The following TNRC6C variants were observed in gnomAD, a reference collection of about 807,000 sequenced individuals.
The protein encoded by TNRC6C is trinucleotide repeat-containing gene 6C protein.
A neutral mutation model predicts 153.7 loss-of-function variants in TNRC6C; 20 were observed. That is an observed-to-expected ratio of 0.13 (90% CI 0.09 to 0.19). The LOEUF (loss-of-function observed/expected upper bound fraction) is 0.19. Ranked by LOEUF, TNRC6C falls within the 10% of genes least tolerant of loss-of-function variation. The pLI is 1.00. For missense variants in TNRC6C, 1,987 were observed against 2,172.0 expected, an observed-to-expected ratio of 0.91 and a Z score of 1.69; for synonymous variants, 811 against 841.4, an observed-to-expected ratio of 0.96 and a Z score of 0.63.
At chr17:78,100,627 G>A (rs1244054749) in intron 17 of TNRC6C, among the ~76,000 whole-genome samples, 1 of 152,168 alleles carries the variant, frequency 6.6e-6, no homozygotes, top group East Asian at 1.9e-4. Flanking sequence ...GCCTGTGATG[G>A]GAGGGGCTTC....
chr17:78,016,664 C>T (rs2071734218), intron 1 of TNRC6C, among the ~76,000 whole-genome samples: 1 of 152,108 alleles, frequency 6.6e-6, no homozygotes. Flanking sequence ...GCAGTCTCTG[C>T]CTGCCTTCCC....
At position 78,075,218 on chromosome 17, in the gene TNRC6C, C is replaced by A; in HGVS notation, c.3000C>A (p.Leu1000=). The change falls in exon 8 of 20, where the codon CTC becomes CTA. Residue 1000 remains leucine (L), a synonymous_variant. Transcript: ENST00000301624. This position sits in a 1 kb window ranked among gnomAD's most constrained non-coding sequence, Gnocchi z 4.2. ...ATAATGGAATGGCCGCCAAGCCCCT[C>A]GGCTGCCGCCCGCCAATCTCCAAAG... 6.3e-7 allele frequency: 1 copy of A among 1,595,782 alleles called. No individual in the cohort carries two copies.
chr17:78,045,409 A>T (rs1296166462), intron 2 of TNRC6C, among the ~76,000 whole-genome samples: 1 of 152,140 alleles, frequency 6.6e-6, no homozygotes, highest in Admixed American at 6.5e-5. Context: ...GCTTCCTGCC[A>T]GTATTGCCCC....
At chr17:78,035,160 TTTGA>T (rs1223440755) in intron 2 of TNRC6C, among the ~76,000 whole-genome samples, 2 of 152,168 alleles carry the variant, frequency 1.3e-5, no homozygotes, top group African/African-American at 4.8e-5. Context: ...AATGACTTTG[TTTGA>T]TTTTGTCAGT....
intron 10 of TNRC6C, among the ~76,000 whole-genome samples, chr17:78,081,300 A>G (rs1598768977): frequency 6.6e-6 from 1 of 151,694 alleles, no homozygotes; most frequent in Admixed American, 6.6e-5. Context: ...TTCAGACCAT[A>G]GCATATGGGA....
chr17:78,019,015 G>A (rs2071783151), intron 1 of TNRC6C, among the ~76,000 whole-genome samples: 1 of 152,174 alleles, frequency 6.6e-6, no homozygotes, highest in African/African-American at 2.4e-5. Flanking sequence ...ACTACATGTG[G>A]CAGTGTCAGG....
chr17:77,961,424 G>A (rs2070861737), intron 1 of TNRC6C, among the ~76,000 whole-genome samples: 1 of 152,188 alleles, frequency 6.6e-6, no homozygotes. Context: ...CCAAAGTGCT[G>A]GGATTACAGG....
chr17:78,037,032 G>A (rs2072193325), intron 2 of TNRC6C, among the ~76,000 whole-genome samples: 1 of 151,572 alleles, frequency 6.6e-6, no homozygotes, highest in African/African-American at 2.4e-5. Flanking sequence ...GATGTAAATA[G>A]TAGATTAATC....
exon 3 of TNRC6C, chr17:78,050,298 G>A: frequency 6.4e-7 from 1 of 1,560,642 alleles, no homozygotes; most frequent in Non-Finnish European, 8.7e-7. Flanking sequence ...GAAGCACTGG[G>A]AGGGAAGGAA....
intron 5 of TNRC6C, among the ~76,000 whole-genome samples, chr17:78,069,653 G>A (rs1295788797): frequency 2.0e-5 from 3 of 152,132 alleles, no homozygotes; most frequent in African/African-American, 4.8e-5. Flanking sequence ...AATAATTTAT[G>A]TGTACATTGA....
chr17:78,023,371 T>A (rs1167532801), intron 1 of TNRC6C, among the ~76,000 whole-genome samples: 1 of 152,222 alleles, frequency 6.6e-6, no homozygotes, highest in East Asian at 1.9e-4. Context: ...AAAATTTCTG[T>A]AGCTTGCTAA....
At chr17:78,010,657 T>G (rs575730786) in intron 1 of TNRC6C, among the ~76,000 whole-genome samples, 42 of 152,362 alleles carry the variant, frequency 2.8e-4, no homozygotes, top group South Asian at 4.1e-4. Context: ...AAATTGATTG[T>G]ATGAGGTATC....
At chr17:78,072,350 A>G (rs2073014001) in intron 6 of TNRC6C, among the ~76,000 whole-genome samples, 1 of 152,198 alleles carries the variant, frequency 6.6e-6, no homozygotes, top group African/African-American at 2.4e-5. Flanking sequence ...TCTGTTTCTT[A>G]GAGAAAAGTT....
At position 78,045,182 on chromosome 17, in the gene TNRC6C, G is replaced by A. The variant is rs143398910; in HGVS notation, c.-218-3663G>A. On this transcript the variant is annotated intron_variant, in intron 2 of 19. Transcript: ENST00000301624. ...TAGGGGGCATGGGAAGAGACCTGTT[G>A]GAAAGTTATTTACAGTAATCCAGTC... Among the ~76,000 whole-genome samples, 5 of 152,294 alleles carry A rather than the reference G, an allele frequency of 3.3e-5. No homozygotes were observed. In the East Asian group the frequency reaches 9.6e-4, roughly 29 times the overall value.
At chr17:78,002,125 C>A (rs1326357482), upstream of TNRC6C, among the ~76,000 whole-genome samples, 1 of 151,506 alleles carries the variant, frequency 6.6e-6, no homozygotes, top group Non-Finnish European at 1.5e-5. Context: ...TTTTCAAATC[C>A]AAGTTTATAA....
intron 1 of TNRC6C, among the ~76,000 whole-genome samples, chr17:77,970,822 G>A (rs1422439444): frequency 1.3e-5 from 2 of 152,054 alleles, no homozygotes. Flanking sequence ...TAGCCTGGGC[G>A]ACACAGCAAG....
chr17:78,083,031 A>G lies in TNRC6C; in HGVS notation c.3358-16A>G, dbSNP rs1045249061. On this transcript the variant is annotated splice_polypyrimidine_tract_variant and intron_variant, in intron 10 of 19. Transcript: ENST00000301624. ...ACAGAGATACAACGGCTAATAGTAT[A>G]TTTTATGTTAAACAGGTTCAAGCAC... The G allele has an allele frequency of 1.2e-6, 2 of 1,613,306 alleles. No homozygotes were observed. Among genetic ancestry groups the G allele is most frequent in the Admixed American group, 1.7e-5 (1 of 59,982 alleles).
chr17:78,023,747 A>T (rs1272400613), intron 1 of TNRC6C, among the ~76,000 whole-genome samples: 1 of 151,870 alleles, frequency 6.6e-6, no homozygotes, highest in Non-Finnish European at 1.5e-5. Flanking sequence ...CCAAGGCTAC[A>T]GTGAGCTGTG....
intron 1 of TNRC6C, among the ~76,000 whole-genome samples, chr17:78,029,202 T>C (rs1411179835): frequency 6.6e-6 from 1 of 152,194 alleles, no homozygotes; most frequent in Non-Finnish European, 1.5e-5. Flanking sequence ...CAAACCACAG[T>C]TGCTGACACT....
Sources: allele counts gnomAD v4.1 joint callset (sites outside exome capture counted in the v4.1 genomes callset), GRCh38; gene constraint gnomAD v4.1.1; non-coding constraint Gnocchi (gnomAD v3.1); transcripts MANE v1.5; gene names NCBI Gene and HGNC (gene_info 2026-07-23, HGNC 2026-07-21).